FANCL: variants seen among roughly 807,000 people sequenced by gnomAD.
FANCL encodes the protein E3 ubiquitin-protein ligase FANCL.
FANCL carries 69 observed loss-of-function variants against 59.4 expected under a neutral mutation model. The observed-to-expected ratio is 1.16, with a 90% CI of 0.96 to 1.42. FANCL has a LOEUF of 1.42. FANCL is among the 40% of genes most tolerant of loss of function. The pLI is 0.00. For missense variants in FANCL, 519 were observed against 447.2 expected (o/e 1.16, Z -1.45); for synonymous variants, 180 against 147.1 (o/e 1.22, Z -1.62).
Position 58,204,369 on chromosome 2 carries a change from C to T in FANCL, c.375-143G>A, listed in dbSNP as rs1008206741. 3.9e-5 allele frequency: 28 copies of T among 715,968 alleles called. No individual in the cohort carries two copies. The Admixed American group carries it at 5.0e-4, about 13-fold the overall frequency. 44.4% of individuals were successfully genotyped at this position (715,968 alleles called of 1,614,324 possible). On this transcript the variant is annotated intron_variant, in intron 5 of 13. Coordinates refer to ENST00000233741, the MANE Select transcript of FANCL (RefSeq NM_018062.4). ...ATCAGAGCAATTTCTGCATGCCAAC[C>T]CTTTCTGCTGCTATAGATTTACTGC...
chr2:58,235,672 AATG>A (rs1289183809), intron 1 of FANCL, among the ~76,000 whole-genome samples: 3 of 152,092 alleles, frequency 2.0e-5, no homozygotes, highest in Non-Finnish European at 4.4e-5. Flanking sequence ...CAATACCCAC[AATG>A]AAGAGAAAAA....
At position 58,162,955 on chromosome 2, in the gene FANCL, C is replaced by T; in HGVS notation, c.822-8G>A. The T allele has an allele frequency of 6.2e-7, 1 of 1,612,332 alleles. No homozygotes were observed. Among genetic ancestry groups the T allele is most frequent in the Non-Finnish European group, 8.5e-7 (1 of 1,178,818 alleles). On this transcript the variant is annotated splice_polypyrimidine_tract_variant and splice_region_variant and intron_variant, in intron 10 of 13. Transcript: ENST00000233741. The stretch of plus-strand genomic sequence containing the variant: ...ACACTATTTTCTGGATCCCTGAAAG[C>T]ATGGGGAAAAAAATTATGCTGTGAA...
chr2:58,217,191 T>C (rs1337569875), intron 5 of FANCL, among the ~76,000 whole-genome samples: 1 of 6,756 alleles, frequency 1.5e-4, no homozygotes, highest in Non-Finnish European at 3.7e-4. Context: ...TATATATATA[T>C]ATATATATAT....
At chr2:58,184,530 G>C (rs1688220212) in intron 7 of FANCL, among the ~76,000 whole-genome samples, 1 of 152,004 alleles carries the variant, frequency 6.6e-6, no homozygotes, top group African/African-American at 2.4e-5. Flanking sequence ...GCAACTGTTA[G>C]ATCTGCTAAT....
intron 5 of FANCL, among the ~76,000 whole-genome samples, chr2:58,212,701 A>C (rs1047810479): frequency 1.3e-5 from 2 of 152,300 alleles, no homozygotes; most frequent in Admixed American, 6.5e-5. Context: ...AGTTAACAGA[A>C]ACCCACCAAG....
intron 9 of FANCL, 61 bp from the exon 10 acceptor site, chr2:58,163,135 C>T (rs1421467584): frequency 8.7e-6 from 12 of 1,379,784 alleles, no homozygotes; most frequent in Non-Finnish European, 1.2e-5. Flanking sequence ...TCTAAAGCCA[C>T]ATTTGATACA....
chr2:58,231,372 T>C (rs1313596972), intron 2 of FANCL, among the ~76,000 whole-genome samples: 1 of 152,212 alleles, frequency 6.6e-6, no homozygotes, highest in Non-Finnish European at 1.5e-5. Context: ...TCACACCAAA[T>C]ATGCCTTAAA....
chr2:58,195,100 T>C (rs1209216073), intron 7 of FANCL, among the ~76,000 whole-genome samples: 4 of 152,124 alleles, frequency 2.6e-5, no homozygotes, highest in Non-Finnish European at 2.9e-5. Context: ...TTTATATTGC[T>C]TGAGAGACAA....
At chr2:58,178,977 T>C (rs2104941685) in intron 7 of FANCL, among the ~76,000 whole-genome samples, 1 of 152,264 alleles carries the variant, frequency 6.6e-6, no homozygotes, top group Middle Eastern at 3.4e-3. Flanking sequence ...GAACTCCCAT[T>C]CACAATTGCT....
In FANCL at chr2:58,163,628, A is replaced by G. The variant is rs1043273300; in HGVS notation, c.692-111T>C. 7.3e-6 allele frequency: 5 copies of G among 686,920 alleles called. No homozygotes were observed. The African/African-American group carries it at 9.0e-5, about 12-fold the overall frequency. The allele number at this position is 686,920 out of a possible 1,614,324, so 42.6% of individuals were successfully genotyped here. A position where few individuals can be genotyped will look rare whatever the true frequency, so the allele number is the denominator to read the frequency against. On this transcript the variant is annotated intron_variant, in intron 8 of 13. Transcript: ENST00000233741. The stretch of plus-strand genomic sequence containing the variant: ...ACCTATTTCACTGTATACCCACGGA[A>G]AGATTAACCAAATGTTTTGTAGTTT...
At chr2:58,200,946 T>C (rs950321154) in intron 6 of FANCL, among the ~76,000 whole-genome samples, 2 of 151,508 alleles carry the variant, frequency 1.3e-5, no homozygotes, top group African/African-American at 4.8e-5. Flanking sequence ...ATGTGTTAAT[T>C]ACATTCATGT....
chr2:58,172,778 C>A (rs567902200), intron 7 of FANCL, among the ~76,000 whole-genome samples: 3 of 152,324 alleles, frequency 2.0e-5, no homozygotes, highest in African/African-American at 7.2e-5. Flanking sequence ...TGGAACAAAG[C>A]TGGACAGAGA....
intron 7 of FANCL, among the ~76,000 whole-genome samples, chr2:58,172,032 C>A (rs1686692017): frequency 6.6e-6 from 1 of 152,222 alleles, no homozygotes; most frequent in African/African-American, 2.4e-5. Flanking sequence ...TGCAAGGTGG[C>A]AGCGAGGCTG....
intron 7 of FANCL, among the ~76,000 whole-genome samples, chr2:58,187,757 A>C (rs1210638670): frequency 6.6e-6 from 1 of 152,186 alleles, no homozygotes; most frequent in Non-Finnish European, 1.5e-5. Flanking sequence ...TATCCTTGAA[A>C]AATCTAGAAC....
intron 7 of FANCL, among the ~76,000 whole-genome samples, chr2:58,186,418 T>G (rs1451395360): frequency 6.6e-6 from 1 of 152,034 alleles, no homozygotes. Flanking sequence ...GACAAGGACA[T>G]GTATGGGGAA....
In FANCL at chr2:58,241,222, G is replaced by A. The variant is rs762338908; in HGVS notation, c.92C>T (p.Ala31Val). 2.5e-6 allele frequency: 4 copies of A among 1,614,240 alleles called. No homozygotes were observed. In the Admixed American group the frequency reaches 5.0e-5, roughly 20 times the overall value. Reference sequence around the variant, plus strand: ...AAGCAACCACTGGGCGGGTACCTGAGCCGAGATGAATCCCTCATACACGGT... The same window carrying A: ...AAGCAACCACTGGGCGGGTACCTGAACCGAGATGAATCCCTCATACACGGT... ...SKTVYEGFISAQGRDFHLRIV... is the reference protein window; with the variant it reads ...SKTVYEGFISVQGRDFHLRIV... Residue 31 changes from alanine (A) to valine (V), a missense_variant, in exon 1 of 14, where the codon GCT becomes GTT. Coordinates refer to ENST00000233741, the MANE Select transcript of FANCL (RefSeq NM_018062.4).
intron 4 of FANCL, among the ~76,000 whole-genome samples, chr2:58,223,755 T>C (rs149391157): frequency 8.2e-4 from 125 of 152,066 alleles, no homozygotes; most frequent in Non-Finnish European, 1.5e-3. Context: ...ATTTTAAATA[T>C]AGGTAATTGT....
intron 7 of FANCL, among the ~76,000 whole-genome samples, chr2:58,171,143 A>T (rs1401968009): frequency 1.3e-5 from 2 of 152,210 alleles, no homozygotes; most frequent in African/African-American, 4.8e-5. Context: ...ACTCTTCAGC[A>T]AATGCAAAAG....
At chr2:58,197,005 T>G (rs1689500223) in intron 7 of FANCL, among the ~76,000 whole-genome samples, 1 of 151,688 alleles carries the variant, frequency 6.6e-6, no homozygotes, top group Non-Finnish European at 1.5e-5. Context: ...GCTATAAAAT[T>G]TATGCATAAT....
Sources: allele counts gnomAD v4.1 joint callset (sites outside exome capture counted in the v4.1 genomes callset), GRCh38; gene constraint gnomAD v4.1.1; transcripts MANE v1.5; gene names NCBI Gene and HGNC (gene_info 2026-07-23, HGNC 2026-07-21).